The following CSGALNACT1 variants were observed in gnomAD, a reference collection of about 807,000 sequenced individuals.
CSGALNACT1 encodes the protein beta4GalNAcT-1.
CSGALNACT1 carries 52 observed loss-of-function variants against 51.0 expected under a neutral mutation model. The observed-to-expected ratio is 1.02, with a 90% confidence interval of 0.82 to 1.29. CSGALNACT1 has a LOEUF of 1.29. Ranked by LOEUF, CSGALNACT1 falls within the 50% of genes most tolerant of loss-of-function variation. The probability of loss-of-function intolerance (pLI) is 0.00; values close to 1 mark genes in which losing one functional copy is unlikely to be tolerated. For synonymous variants in CSGALNACT1, 341 were observed against 254.4 expected, an observed-to-expected ratio of 1.34 and a Z score of -3.24; for missense variants, 935 against 679.2, an observed-to-expected ratio of 1.38 and a Z score of -4.19.
At chr8:19,481,991 A>T (rs2071520297) in intron 4 of CSGALNACT1, among the ~76,000 whole-genome samples, 2 of 152,196 alleles carry the variant, frequency 1.3e-5, no homozygotes, top group Non-Finnish European at 2.9e-5. Flanking sequence ...GCTACTCAAT[A>T]GGACATAGGC....
chr8:19,413,086 C>T (rs1449966670), intron 8 of CSGALNACT1, among the ~76,000 whole-genome samples: 1 of 152,180 alleles, frequency 6.6e-6, no homozygotes, highest in Non-Finnish European at 1.5e-5. Flanking sequence ...CAGTCAAAGG[C>T]CATCTCCTTC....
chr8:19,670,607 GA>G (rs1341782228), intron 1 of CSGALNACT1, among the ~76,000 whole-genome samples: 1 of 113,884 alleles, frequency 8.8e-6, no homozygotes, highest in Non-Finnish European at 1.6e-5. Flanking sequence ...ATAAGTAGGT[GA>G]TATCAACCCT....
At chr8:19,457,447 T>C (rs1303757989) in intron 5 of CSGALNACT1, 1 of 365,140 alleles carries the variant, frequency 2.7e-6, no homozygotes, top group Non-Finnish European at 5.3e-6. Flanking sequence ...ACCCGGTCTC[T>C]ACTAAAAATG....
In CSGALNACT1 at chr8:19,405,894, C is replaced by A. The variant is rs1012851863; in HGVS notation, c.1485G>T (p.Gln495His). 17 of 1,614,074 alleles carry A rather than the reference C, an allele frequency of 1.1e-5. No homozygotes were observed. Among genetic ancestry groups the A allele is most frequent in the African/African-American group, 4.0e-5 (3 of 74,926 alleles). Residue 495 changes from glutamine (Q) to histidine (H), a missense_variant, in exon 10 of 10, where the codon CAG (glutamine) becomes CAT (histidine). Gln to His is a conservative substitution (Grantham distance 24). Coordinates refer to ENST00000454498, the Ensembl canonical transcript of CSGALNACT1. ...GGGATGCCTCGTTCATGGCCTTGGACTGCATGCACATCTTGTACTGCTCGG... is the reference window on the plus strand; with the variant it reads ...GGGATGCCTCGTTCATGGCCTTGGAATGCATGCACATCTTGTACTGCTCGG...
At chr8:19,569,511 G>A (rs1419799269) in intron 3 of CSGALNACT1, among the ~76,000 whole-genome samples, 1 of 146,830 alleles carries the variant, frequency 6.8e-6, no homozygotes, top group Non-Finnish European at 1.5e-5. Flanking sequence ...CTGAGTTCTG[G>A]AGATGAAAAA....
chr8:19,668,341 T>C (rs2059544092), intron 1 of CSGALNACT1, among the ~76,000 whole-genome samples: 1 of 150,646 alleles, frequency 6.6e-6, no homozygotes, highest in Non-Finnish European at 1.5e-5. Flanking sequence ...CATGCACGGT[T>C]ACACACACAC....
chr8:19,601,425 C>A (rs1004663795), intron 2 of CSGALNACT1, among the ~76,000 whole-genome samples: 1 of 152,186 alleles, frequency 6.6e-6, no homozygotes, highest in Non-Finnish European at 1.5e-5. Context: ...AATGGGAGAA[C>A]AAATGTCCCT....
At chr8:19,727,741 G>A (rs1034153693) in intron 1 of CSGALNACT1, among the ~76,000 whole-genome samples, 2 of 152,046 alleles carry the variant, frequency 1.3e-5, no homozygotes, top group African/African-American at 4.8e-5. Flanking sequence ...TAACACCATG[G>A]CTGGGTGACA....
intron 1 of CSGALNACT1, 22 bp from the exon 2 acceptor site, chr8:19,601,887 A>C: frequency 2.2e-6 from 1 of 453,974 alleles, no homozygotes; most frequent in South Asian, 1.6e-5. Flanking sequence ...TAAAAACAAA[A>C]GGCAACCCTT....
intron 1 of CSGALNACT1, among the ~76,000 whole-genome samples, chr8:19,644,678 C>A (rs1190032792): frequency 1.4e-5 from 2 of 141,652 alleles, no homozygotes; most frequent in Non-Finnish European, 3.0e-5. Context: ...CTACTGCACT[C>A]CAGCCTGGGT....
At position 19,505,399 on chromosome 8, in the gene CSGALNACT1, C is replaced by G. The variant is rs753400053; in HGVS notation, c.436G>C (p.Val146Leu). 3.1e-6 allele frequency: 5 copies of G among 1,614,256 alleles called. No homozygotes were observed. The South Asian group carries it at 5.5e-5, about 18-fold the overall frequency. ...TGTAGAGTAAAGCTATCGAAAGGCA[C>G]TGCTGCATACTCTGTGGCCAGCTTG... Residue 146 changes from valine to leucine, a missense_variant, in exon 4 of 10, where the codon GTG becomes CTG. Transcript: ENST00000454498.
intron 3 of CSGALNACT1, among the ~76,000 whole-genome samples, chr8:19,561,616 G>T (rs190526936): frequency 6.6e-6 from 1 of 152,222 alleles, no homozygotes; most frequent in African/African-American, 2.4e-5. Context: ...TAAGATCCAC[G>T]TGCAGGCCTT....
chr8:19,452,091 CATA>C (rs2063283389), intron 5 of CSGALNACT1, among the ~76,000 whole-genome samples: 1 of 152,196 alleles, frequency 6.6e-6, no homozygotes, highest in Non-Finnish European at 1.5e-5. Context: ...ATGAGGGAGA[CATA>C]ATCTTCTGCT....
At chr8:19,637,749 C>G (rs1230739771) in intron 1 of CSGALNACT1, among the ~76,000 whole-genome samples, 8 of 151,792 alleles carry the variant, frequency 5.3e-5, no homozygotes, top group Non-Finnish European at 8.8e-5. Flanking sequence ...GCAGGACTGA[C>G]TTCTGAGGAT....
At chr8:19,602,902 A>C (rs1301502673), upstream of CSGALNACT1, 1 of 152,078 alleles carries the variant, frequency 6.6e-6, no homozygotes, top group Non-Finnish European at 1.5e-5. Context: ...CCGAGTTGTC[A>C]GGATTTTTAT....
At chr8:19,511,679 T>C (rs1235689570) in intron 3 of CSGALNACT1, among the ~76,000 whole-genome samples, 2 of 152,174 alleles carry the variant, frequency 1.3e-5, no homozygotes, top group African/African-American at 4.8e-5. Context: ...GCTCCCACAC[T>C]GTACTGGGGT....
chr8:19,690,657 G>C (rs568586645), intron 1 of CSGALNACT1, among the ~76,000 whole-genome samples: 13 of 152,284 alleles, frequency 8.5e-5, no homozygotes, highest in African/African-American at 3.1e-4. Flanking sequence ...TACATGGCTG[G>C]AATTCACATT....
intron 1 of CSGALNACT1, among the ~76,000 whole-genome samples, chr8:19,695,134 A>G (rs1368326542): frequency 6.6e-6 from 1 of 152,182 alleles, no homozygotes; most frequent in Non-Finnish European, 1.5e-5. Context: ...ATCTCCCTAC[A>G]TAATTTCACA....
At chr8:19,666,831 G>GAGAGAGAGAAAGAAAGAA (rs1554794476) in intron 1 of CSGALNACT1, among the ~76,000 whole-genome samples, 11 of 24,932 alleles carry the variant, frequency 4.4e-4, no homozygotes, top group South Asian at 2.7e-3. Context: ...GAGAGAGAGA[G>GAGAGAGAGAAAGAAAGAA]AGAAAGAAAG....
Sources: gnomAD v4.1 joint callset for allele counts (sites outside exome capture counted in the v4.1 genomes callset) on GRCh38, gnomAD v4.1.1 for gene constraint, MANE v1.5 for transcripts, NCBI Gene and HGNC (gene_info 2026-07-23, HGNC 2026-07-21) for gene names.